RANBP2: variants seen among roughly 807,000 people sequenced by gnomAD.
RANBP2 encodes E3 SUMO-protein ligase RanBP2.
A neutral mutation model predicts 303.6 loss-of-function variants in RANBP2; 57 were observed. The observed-to-expected ratio is 0.19, with a 90% CI of 0.15 to 0.23. RANBP2 has a LOEUF of 0.23. Ranked by LOEUF, RANBP2 falls within the 10% of genes least tolerant of loss-of-function variation. RANBP2 has a pLI of 1.00. For missense variants in RANBP2, 3,138 were observed against 3,780.8 expected (o/e 0.83, Z 4.46); for synonymous variants, 1,167 against 1,301.5 (o/e 0.90, Z 2.23).
chr2:109,446,451 C>G, the RANBP2 span, among the ~76,000 whole-genome samples: 36 of 152,206 alleles, frequency 2.4e-4, no homozygotes, highest in Non-Finnish European at 4.6e-4. Context: ...GTAAATTACA[C>G]AACTGTGAGG....
chr2:109,306,047 T>C, the RANBP2 span, among the ~76,000 whole-genome samples: 2 of 152,360 alleles, frequency 1.3e-5, no homozygotes, highest in Non-Finnish European at 2.9e-5. Flanking sequence ...TCTGCTGGGC[T>C]CTTACTGGCA....
At chr2:109,672,327 A>G in the RANBP2 span, among the ~76,000 whole-genome samples, 1 of 152,226 alleles carries the variant, frequency 6.6e-6, no homozygotes, top group Non-Finnish European at 1.5e-5. Flanking sequence ...AGGGTGGGTA[A>G]TAAGTTCCAC....
At chr2:108,972,272 C>G in the RANBP2 span, among the ~76,000 whole-genome samples, 1 of 152,292 alleles carries the variant, frequency 6.6e-6, no homozygotes, top group East Asian at 1.9e-4. Context: ...AGACCAACTT[C>G]TGTTCCACAG....
the RANBP2 span, among the ~76,000 whole-genome samples, chr2:109,622,023 C>T: frequency 6.6e-6 from 1 of 152,114 alleles, no homozygotes; most frequent in African/African-American, 2.4e-5. Flanking sequence ...TTTAGAATCA[C>T]CTAGGTGCTG....
chr2:109,470,070 G>A, the RANBP2 span, among the ~76,000 whole-genome samples: 1 of 152,338 alleles, frequency 6.6e-6, no homozygotes, highest in Non-Finnish European at 1.5e-5. Context: ...CGTTCTGGTG[G>A]TGGGCAACCA....
the RANBP2 span, among the ~76,000 whole-genome samples, chr2:109,563,610 G>T: frequency 2.0e-5 from 3 of 152,248 alleles, no homozygotes; most frequent in Middle Eastern, 3.4e-3. Context: ...AATTACCAAG[G>T]AAGTTTCTAC....
the RANBP2 span, among the ~76,000 whole-genome samples, chr2:108,933,698 A>G: frequency 6.6e-6 from 1 of 152,290 alleles, no homozygotes; most frequent in Non-Finnish European, 1.5e-5. Flanking sequence ...GGAGCCAGCC[A>G]CCCCAGTGGT....
chr2:109,502,693 G>A, the RANBP2 span: 4 of 152,286 alleles, frequency 2.6e-5, no homozygotes, highest in South Asian at 2.1e-4. Context: ...GAAACATTTC[G>A]AGGAAGGGCC....
At chr2:109,679,926 T>C in the RANBP2 span, among the ~76,000 whole-genome samples, 4 of 152,136 alleles carry the variant, frequency 2.6e-5, no homozygotes, top group African/African-American at 4.8e-5. Context: ...AAATCGCCAG[T>C]GTGGACCACC....
the RANBP2 span, among the ~76,000 whole-genome samples, chr2:109,299,321 G>T: frequency 6.6e-6 from 1 of 151,956 alleles, no homozygotes; most frequent in Non-Finnish European, 1.5e-5. Context: ...TTTGAAGCTT[G>T]CAGGGGCAGG....
the RANBP2 span, among the ~76,000 whole-genome samples, chr2:109,292,550 A>G: frequency 1.3e-5 from 2 of 152,056 alleles, no homozygotes; most frequent in Middle Eastern, 3.2e-3. Context: ...GTTTTTCTCT[A>G]CTTTAAATGA....
chr2:109,144,292 T>A, the RANBP2 span, among the ~76,000 whole-genome samples: 1 of 152,260 alleles, frequency 6.6e-6, no homozygotes, highest in Non-Finnish European at 1.5e-5. Context: ...ACCTTAAATA[T>A]ATACAATTTT....
chr2:109,277,557 C>T, the RANBP2 span, among the ~76,000 whole-genome samples: 3 of 152,174 alleles, frequency 2.0e-5, no homozygotes, highest in African/African-American at 7.2e-5. Flanking sequence ...AAAGTGCCTC[C>T]CTGAGACTTA....
chr2:109,477,087 G>T, the RANBP2 span, among the ~76,000 whole-genome samples: 1 of 152,214 alleles, frequency 6.6e-6, no homozygotes, highest in East Asian at 1.9e-4. Context: ...ACCCCAGTAG[G>T]TCTCAGCCTC....
At chr2:109,464,262 CCA>C in the RANBP2 span, among the ~76,000 whole-genome samples, 1 of 152,160 alleles carries the variant, frequency 6.6e-6, no homozygotes, top group African/African-American at 2.4e-5. Flanking sequence ...AGATACACAT[CCA>C]CACACAAATA....
At chr2:109,353,236 C>G in the RANBP2 span, among the ~76,000 whole-genome samples, 1 of 152,242 alleles carries the variant, frequency 6.6e-6, no homozygotes, top group Admixed American at 6.5e-5. Flanking sequence ...GCTGCACTGG[C>G]CTCCTGGTGG....
chr2:109,046,380 TA>T, the RANBP2 span, among the ~76,000 whole-genome samples: 1 of 135,138 alleles, frequency 7.4e-6, no homozygotes, highest in African/African-American at 2.6e-5. Context: ...TTTTTTTTTT[TA>T]AACTTACTTT....
the RANBP2 span, among the ~76,000 whole-genome samples, chr2:109,527,476 G>T: frequency 9.9e-5 from 15 of 152,194 alleles, no homozygotes; most frequent in African/African-American, 3.6e-4. Context: ...AGAGACTGGG[G>T]AGCCACCATG....
At chr2:109,197,407 C>A in the RANBP2 span, among the ~76,000 whole-genome samples, 1 of 152,168 alleles carries the variant, frequency 6.6e-6, no homozygotes, top group East Asian at 1.9e-4. Flanking sequence ...TGTTTGTCCT[C>A]GGGCTGGTGG....
Sources: gnomAD v4.1 joint callset for allele counts (sites outside exome capture counted in the v4.1 genomes callset) on GRCh38, gnomAD v4.1.1 for gene constraint, MANE v1.5 for transcripts, NCBI Gene and HGNC (gene_info 2026-07-23, HGNC 2026-07-21) for gene names.